ATAD3A: variants seen among roughly 807,000 people sequenced by gnomAD.
ATAD3A encodes the protein ATPase family AAA domain containing 3A.
ATAD3A carries 46 observed loss-of-function variants against 73.8 expected under a neutral mutation model. That is an observed-to-expected ratio of 0.62 (90% CI 0.49 to 0.80). The LOEUF (loss-of-function observed/expected upper bound fraction) is 0.80. Ranked by LOEUF, ATAD3A falls within the 30% of genes least tolerant of loss-of-function variation. ATAD3A has a pLI of 0.00. For synonymous variants in ATAD3A, 319 were observed against 350.0 expected (o/e 0.91, Z 0.99); for missense variants, 705 against 838.0 (o/e 0.84, Z 1.96).
intron 1 of ATAD3A, chr1:1,512,702 G>A (rs1440890893): frequency 1.6e-6 from 2 of 1,246,612 alleles, no homozygotes; most frequent in Non-Finnish European, 2.1e-6. Context: ...TGCGGAAAGC[G>A]GTGCGGAGGT....
At position 1,520,103 on chromosome 1, in the gene ATAD3A, A is replaced by T. The variant is rs377764598; in HGVS notation, c.515-38A>T. On this transcript the variant is annotated intron_variant, in intron 5 of 15. Transcript: ENST00000378756. The surrounding 1 kb of genome is among the most constrained non-coding windows in gnomAD (Gnocchi z 4.0). ...GTGTGGGTGGAGGTGGACGCGCTGC[A>T]CTGCATGGTGCTGAGCTGCCCTGCC... The T allele has an allele frequency of 3.5e-5, 56 of 1,592,936 alleles. No individual in the cohort carries two copies. The highest frequency in any genetic ancestry group is 2.2e-4 in the Middle Eastern group (1 of 4,466).
At chr1:1,516,990 G>T (rs1360699697) in intron 2 of ATAD3A, 3 of 1,245,528 alleles carry the variant, frequency 2.4e-6, no homozygotes, top group African/African-American at 3.0e-5. Flanking sequence ...GGGATTATAA[G>T]CGAGAGCCGT....
At chr1:1,533,902 C>T (rs939502673) in intron 15 of ATAD3A, 24 bp from the exon 16 acceptor site, 30 of 1,608,584 alleles carry the variant, frequency 1.9e-5, no homozygotes, top group Non-Finnish European at 2.4e-5. Context: ...GGCGGCCTCC[C>T]TCAGCTGCCT....
At position 1,533,982 on chromosome 1, in the gene ATAD3A, C is replaced by T. The variant is rs369219136; in HGVS notation, c.1671C>T (p.Arg557=). ...TGACCGAGGCCATGATGGACACCCGCGTGCAAGATGCTGTCCAGCAGCACC... is the reference window on the plus strand; with the variant it reads ...TGACCGAGGCCATGATGGACACCCGTGTGCAAGATGCTGTCCAGCAGCACC... ...GVLTEAMMDT[R]VQDAVQQHQQ... is the part of the protein sequence containing the mutation. The change falls in exon 16 of 16, where the codon CGC becomes CGT. Residue 557 remains arginine (R), a synonymous_variant. Coordinates refer to ENST00000378756, the MANE Select transcript of ATAD3A (RefSeq NM_001170535.3). The T allele has an allele frequency of 4.6e-4, 742 of 1,613,468 alleles. 1 individual carries two copies. Among genetic ancestry groups the T allele is most frequent in the Non-Finnish European group, 5.8e-4 (681 of 1,179,958 alleles).
At chr1:1,524,868 AACCACGATGCTCATGGTTGGC>A (rs1641744943) in intron 11 of ATAD3A, among the ~76,000 whole-genome samples, 1 of 151,092 alleles carries the variant, frequency 6.6e-6, no homozygotes, top group African/African-American at 2.4e-5. Flanking sequence ...TCCTCGTTGG[AACCACGATGCTCATGGTTGGC>A]ACCCTCCCCT....
Position 1,520,035 on chromosome 1 carries a change from C to G in ATAD3A, c.515-106C>G. 3.3e-6 allele frequency: 5 copies of G among 1,495,060 alleles called. No homozygotes were observed. Among genetic ancestry groups the G allele is most frequent in the Non-Finnish European group, 4.5e-6 (5 of 1,116,442 alleles). 92.6% of individuals were successfully genotyped at this position (1,495,060 alleles called of 1,614,324 possible). On this transcript the variant is annotated intron_variant, in intron 5 of 15. Transcript: ENST00000378756. This position sits in a 1 kb window ranked among gnomAD's most constrained non-coding sequence, Gnocchi z 4.0. ...GCATGGGCCTGTCTGTGGCGTTGGT[C>G]TGTCCGTGGCGTGGGCCGGTCCGTG...
Position 1,534,043 on chromosome 1 carries a change from G to A in ATAD3A, c.1732G>A (p.Gly578Arg), listed in dbSNP as rs200240134. 571 of 1,613,646 alleles carry A rather than the reference G, an allele frequency of 3.5e-4. 5 individuals carry two copies. Among genetic ancestry groups the A allele is most frequent in the South Asian group, 3.3e-3 (299 of 91,084 alleles). ...KMCWLKAEGP[G>R]RGDEPSPS ...GTGCTGGCTGAAGGCGGAAGGGCCT[G>A]GGCGTGGGGACGAGCCCTCCCCATC... The change falls in exon 16 of 16, where the codon GGG becomes AGG. Residue 578 changes from glycine (G) to arginine (R), a missense_variant. Coordinates refer to ENST00000378756, the MANE Select transcript of ATAD3A (RefSeq NM_001170535.3).
chr1:1,527,628 G>A (rs904196695), intron 13 of ATAD3A, 67 bp from the exon 14 acceptor site: 55 of 1,532,614 alleles, frequency 3.6e-5, no homozygotes, highest in Non-Finnish European at 4.3e-5. Flanking sequence ...GGCTGAGGAG[G>A]CCCCGTTCCC....
chr1:1,515,907 C>T (rs1252167652), intron 1 of ATAD3A, 105 bp from the exon 2 acceptor site: 25 of 1,322,326 alleles, frequency 1.9e-5, no homozygotes, highest in East Asian at 2.5e-5. Flanking sequence ...GCTTTGAGGT[C>T]GAGGCGTGGC....
rs1022535760 is a variant in ATAD3A, at chr1:1,512,190, G to A, written c.-79G>A. On this transcript the variant is annotated 5_prime_UTR_variant, in exon 1 of 16. In the 5' UTR this introduces an upstream ATG that the reference lacks. Transcript: ENST00000378756. ...GGCGGTGACCACCGGCTCGCGGCGC[G>A]TGGAGGCTGCTCCCAGCCGCGCGCG... The A allele has an allele frequency of 8.2e-7, 1 of 1,221,678 alleles. No individual in the cohort carries two copies. Among genetic ancestry groups the A allele is most frequent in the Non-Finnish European group, 1.0e-6 (1 of 978,090 alleles). The allele number at this position is 1,221,678 out of a possible 1,614,324, so 75.7% of individuals were successfully genotyped here. A position where few individuals can be genotyped will look rare whatever the true frequency, so the allele number is the denominator to read the frequency against.
chr1:1,514,010 G>A (rs1198506981), intron 1 of ATAD3A, among the ~76,000 whole-genome samples: 2 of 152,076 alleles, frequency 1.3e-5, no homozygotes, highest in Middle Eastern at 3.4e-3. Flanking sequence ...GAGCACCAGC[G>A]CTCGCCCTGC....
rs1389164835 is a variant in ATAD3A, at chr1:1,527,707, C to G, written c.1350C>G (p.Val450=). 6.2e-7 allele frequency: 1 copy of G among 1,612,324 alleles called. No homozygotes were observed. Among genetic ancestry groups the G allele is most frequent in the Non-Finnish European group, 8.5e-7 (1 of 1,179,192 alleles). The stretch of plus-strand genomic sequence containing the variant: ...CCCCGCCCCGCAGGTTCATGCTGGT[C>G]CTGGCCAGCAACCAACCAGAGCAGT... ...TGQHSNKFML[V]LASNQPEQFD... The change falls in exon 14 of 16, where the codon GTC becomes GTG. Residue 450 remains valine (V), a synonymous_variant. Transcript: ENST00000378756.
chr1:1,527,550 G>T, intron 13 of ATAD3A, 145 bp from the exon 14 acceptor site: 1 of 1,215,910 alleles, frequency 8.2e-7, no homozygotes. Flanking sequence ...GGTGCAGTGG[G>T]GCAGGTGGCC....
At chr1:1,512,814 C>G (rs1570314515) in intron 1 of ATAD3A, 3 of 1,000,032 alleles carry the variant, frequency 3.0e-6, no homozygotes, top group Non-Finnish European at 2.5e-6. Context: ...CCACGTGGCA[C>G]AGGCCAAGGC....
At chr1:1,527,622 G>C in intron 13 of ATAD3A, 73 bp from the exon 14 acceptor site, 1 of 1,518,472 alleles carries the variant, frequency 6.6e-7, no homozygotes, top group East Asian at 2.3e-5. Context: ...TGTGGGGGCT[G>C]AGGAGGCCCC....
Position 1,527,359 on chromosome 1 carries a change from G to A in ATAD3A, c.1338-336G>A, listed in dbSNP as rs552949298. ...GCCCCTGAGGTCCTGCTCCTGGCACGTGTGGGCGACTTCTCGACATGGACT... is the reference window on the plus strand; with the variant it reads ...GCCCCTGAGGTCCTGCTCCTGGCACATGTGGGCGACTTCTCGACATGGACT... On this transcript the variant is annotated intron_variant, in intron 13 of 15. Coordinates refer to ENST00000378756, the MANE Select transcript of ATAD3A (RefSeq NM_001170535.3). 37 of 1,065,644 alleles carry A rather than the reference G, an allele frequency of 3.5e-5. No individual in the cohort carries two copies. The South Asian group carries it at 4.4e-4, about 13-fold the overall frequency. 66.0% of individuals were successfully genotyped at this position (1,065,644 alleles called of 1,614,324 possible). A position where few individuals can be genotyped will look rare whatever the true frequency, so the allele number is the denominator to read the frequency against.
chr1:1,528,453 C>A (rs1319242944), intron 14 of ATAD3A, among the ~76,000 whole-genome samples: 2 of 152,142 alleles, frequency 1.3e-5, no homozygotes, highest in African/African-American at 4.8e-5. Context: ...TGGTCCACTG[C>A]TGGCTTCTGG....
At chr1:1,513,932 A>G (rs1641277233) in intron 1 of ATAD3A, among the ~76,000 whole-genome samples, 1 of 151,908 alleles carries the variant, frequency 6.6e-6, no homozygotes, top group Non-Finnish European at 1.5e-5. Context: ...TGGTTCCCAG[A>G]GTGCCCTGAC....
chr1:1,517,225 G>A lies in ATAD3A; in HGVS notation c.283-86G>A, dbSNP rs1413376597. 1.5e-5 allele frequency: 23 copies of A among 1,545,584 alleles called. 1 individual carries two copies. The highest frequency in any genetic ancestry group is 1.1e-4 in the South Asian group (9 of 83,052). On this transcript the variant is annotated intron_variant, in intron 2 of 15. Coordinates refer to ENST00000378756, the MANE Select transcript of ATAD3A (RefSeq NM_001170535.3). ...CTAGTCTGGGCATGGAGTCTCTGCC[G>A]TGCCGGAGCCGTGCAGACACAGGAG...
Sources: gnomAD v4.1 joint callset for allele counts (sites outside exome capture counted in the v4.1 genomes callset) on GRCh38, gnomAD v4.1.1 for gene constraint, Gnocchi (gnomAD v3.1) non-coding constraint, MANE v1.5 for transcripts, NCBI Gene and HGNC (gene_info 2026-07-23, HGNC 2026-07-21) for gene names.